Variants in GALK1 observed in about 807,000 individuals in gnomAD.
The protein encoded by GALK1 is galactokinase.
Under a neutral mutation model 38.6 loss-of-function variants are expected in GALK1, and 30 were observed. The observed-to-expected ratio is 0.78, with a 90% confidence interval of 0.58 to 1.05. The LOEUF is 1.05. Ranked by LOEUF, GALK1 falls within the 50% of genes least tolerant of loss-of-function variation. The pLI, the probability that GALK1 is intolerant of heterozygous loss-of-function variation, is 0.00. For missense variants in GALK1, 512 were observed against 540.5 expected (o/e 0.95, Z 0.52); for synonymous variants, 240 against 233.6 (o/e 1.03, Z -0.25).
chr17:75,754,645 C>A (rs372323678), downstream of GALK1: 1 of 1,613,936 alleles, frequency 6.2e-7, no homozygotes. Flanking sequence ...AGGATGACCA[C>A]GACCAGTGCT....
At chr17:75,763,754 G>T (rs573478389) in intron 2 of GALK1, 143 bp downstream of exon 2, 1 of 904,962 alleles carries the variant, frequency 1.1e-6, no homozygotes, top group Non-Finnish European at 1.7e-6. Flanking sequence ...CCTTCTGGGG[G>T]CATCAGTTTC....
chr17:75,762,805 A>C lies in GALK1; in HGVS notation c.692T>G (p.Leu231Arg). ...CCGCACAGGGTACTCGCTGGAGGCC[A>C]GGGAGTGGCGGACATTAGAGTTGGT... Reference protein sequence around the residue: ...LITNSNVRHSLASSEYPVRRR... With the variant: ...LITNSNVRHSRASSEYPVRRR... The change falls in exon 5 of 8, where the codon CTG (leucine) becomes CGG (arginine). Residue 231 changes from leucine to arginine, a missense_variant. Transcript: ENST00000588479. The C allele has an allele frequency of 6.2e-7, 1 of 1,613,872 alleles. No individual in the cohort carries two copies. The highest frequency in any genetic ancestry group is 1.7e-4 in the Middle Eastern group (1 of 6,058).
intron 1 of GALK1, 69 bp from the exon 2 acceptor site, chr17:75,764,155 TCCAGCC>T: frequency 7.1e-7 from 1 of 1,405,242 alleles, no homozygotes; most frequent in Non-Finnish European, 9.8e-7. Context: ...TGACACTGCC[TCCAGCC>T]GAGGTTCTGA....
At chr17:75,753,827 C>T, downstream of GALK1, 1 of 1,456,322 alleles carries the variant, frequency 6.9e-7, no homozygotes, top group Non-Finnish European at 9.0e-7. Flanking sequence ...CGTCACGTGG[C>T]GGCTGCCCCC....
intron 8 of GALK1, chr17:75,752,718 C>T (rs1020979863): frequency 2.8e-6 from 3 of 1,054,680 alleles, no homozygotes; most frequent in East Asian, 5.0e-5. Flanking sequence ...CAATGGAGTG[C>T]ACATCTGTGC....
chr17:75,754,536 G>C, downstream of GALK1: 1 of 1,612,348 alleles, frequency 6.2e-7, no homozygotes, highest in Non-Finnish European at 8.5e-7. Flanking sequence ...GCCCGGGTCT[G>C]GGGCAGGCCT....
chr17:75,754,097 G>A (rs921625206), downstream of GALK1: 2 of 446,054 alleles, frequency 4.5e-6, no homozygotes, highest in Non-Finnish European at 7.6e-6. Flanking sequence ...GGGCCTTGGC[G>A]GCTGGGAGCA....
At chr17:75,760,321 G>A (rs1055972997) in intron 5 of GALK1, among the ~76,000 whole-genome samples, 1 of 151,916 alleles carries the variant, frequency 6.6e-6, no homozygotes, top group South Asian at 2.1e-4. Context: ...TCGAATTCCT[G>A]AGCTCAATGA....
chr17:75,752,982 C>G (rs1232694591), downstream of GALK1, among the ~76,000 whole-genome samples: 1 of 152,222 alleles, frequency 6.6e-6, no homozygotes, highest in Non-Finnish European at 1.5e-5. Context: ...CAGCTCTGTC[C>G]TTCCTCCTTG....
At position 75,758,497 on chromosome 17, in the gene GALK1, T is replaced by C. The variant is rs1328267992; in HGVS notation, c.896A>G (p.Asp299Gly). The C allele has an allele frequency of 6.3e-7, 1 of 1,577,864 alleles. No homozygotes were observed. Reference sequence around the variant, plus strand: ...CATGAGGCGGCCAAAGGCTCTGTAGTCGCCACGTCTCAGGGCGGCCGCTGC... The same window carrying C: ...CATGAGGCGGCCAAAGGCTCTGTAGCCGCCACGTCTCAGGGCGGCCGCTGC... ...AQAAAALRRG[D>G]YRAFGRLMVE... The change falls in exon 6 of 8, where the codon GAC becomes GGC. Residue 299 changes from aspartate to glycine, a missense_variant. By Grantham distance (94) the Asp-to-Gly change is moderately conservative. Coordinates refer to ENST00000588479, the MANE Select transcript of GALK1 (RefSeq NM_000154.2).
downstream of GALK1, chr17:75,757,564 T>C (rs757245762): frequency 1.2e-6 from 2 of 1,613,066 alleles, no homozygotes; most frequent in Non-Finnish European, 1.7e-6. Flanking sequence ...GACCGCACCC[T>C]GCCCCACCCC....
At chr17:75,757,401 C>T (rs1388714177), downstream of GALK1, 1 of 1,613,080 alleles carries the variant, frequency 6.2e-7, no homozygotes, top group Non-Finnish European at 8.5e-7. Context: ...TCATCTAATG[C>T]CTCCTCCTCC....
chr17:75,756,326 G>A (rs753850733), downstream of GALK1: 3 of 1,279,126 alleles, frequency 2.3e-6, no homozygotes, highest in Non-Finnish European at 3.4e-6. Flanking sequence ...CTAGTCCTGG[G>A]TGGGTGATAA....
chr17:75,754,725 C>G, downstream of GALK1: 1 of 1,614,154 alleles, frequency 6.2e-7, no homozygotes, highest in Non-Finnish European at 8.5e-7. Context: ...CACCCTCACA[C>G]GGGACTACAA....
downstream of GALK1, among the ~76,000 whole-genome samples, chr17:75,753,159 A>G (rs2061406731): frequency 6.6e-6 from 1 of 152,002 alleles, no homozygotes; most frequent in African/African-American, 2.4e-5. Context: ...GAGTGGAAAA[A>G]CCTCTGGGGC....
At chr17:75,753,456 G>T (rs988568016), downstream of GALK1, among the ~76,000 whole-genome samples, 28 of 152,200 alleles carry the variant, frequency 1.8e-4, no homozygotes, top group African/African-American at 6.8e-4. Context: ...AGTAAAGCAA[G>T]GGAGACCTCA....
intron 1 of GALK1, 94 bp from the exon 2 acceptor site, chr17:75,764,180 C>CTGTGG: frequency 3.5e-6 from 4 of 1,145,622 alleles, no homozygotes; most frequent in Non-Finnish European, 5.1e-6. Context: ...GATGCCTCCA[C>CTGTGG]AGTCATCAGG....
chr17:75,755,998 C>A, downstream of GALK1: 2 of 956,520 alleles, frequency 2.1e-6, no homozygotes, highest in Non-Finnish European at 3.2e-6. Flanking sequence ...GTCTCCCACC[C>A]CATTCTCCAC....
At chr17:75,758,427 C>T (rs375566257) in intron 6 of GALK1, 22 bp downstream of exon 6, 16 of 1,574,912 alleles carry the variant, frequency 1.0e-5, no homozygotes, top group African/African-American at 5.4e-5. Context: ...CCGGCAGGAG[C>T]GGGGCGCCCA....
Sources: gnomAD v4.1 joint callset for allele counts (sites outside exome capture counted in the v4.1 genomes callset) on GRCh38, gnomAD v4.1.1 for gene constraint, MANE v1.5 for transcripts, NCBI Gene and HGNC (gene_info 2026-07-23, HGNC 2026-07-21) for gene names.